The following WNK2 variants were observed in gnomAD, a reference collection of about 807,000 sequenced individuals.
The protein encoded by WNK2 is serine/threonine-protein kinase WNK2.
Under a neutral mutation model 192.1 loss-of-function variants are expected in WNK2, and 67 were observed. That is an observed-to-expected ratio of 0.35 (90% confidence interval 0.29 to 0.43). WNK2 has a LOEUF of 0.43. WNK2 is among the 20% of genes least tolerant of loss of function. The pLI, the probability that WNK2 is intolerant of heterozygous loss-of-function variation, is 1.00. For synonymous variants in WNK2, 1,439 were observed against 1,393.9 expected (o/e 1.03, Z -0.72); for missense variants, 2,698 against 3,089.7 (o/e 0.87, Z 3.01).
intron 2 of WNK2, among the ~76,000 whole-genome samples, chr9:93,211,692 T>C (rs1834792579): frequency 6.6e-6 from 1 of 150,444 alleles, no homozygotes; most frequent in Admixed American, 6.6e-5. Context: ...ACTCACTCAC[T>C]CATCTACTCA....
intron 23 of WNK2, 80 bp from the exon 24 acceptor site, chr9:93,297,773 C>T (rs1006257034): frequency 2.8e-6 from 4 of 1,442,022 alleles, no homozygotes; most frequent in African/African-American, 1.4e-5. Context: ...TTCTCCCACG[C>T]CACCTCCCTC....
At chr9:93,304,448 C>T (rs1297658750) in intron 26 of WNK2, among the ~76,000 whole-genome samples, 1 of 152,268 alleles carries the variant, frequency 6.6e-6, no homozygotes, top group African/African-American at 2.4e-5. Context: ...GCCCCCGCCC[C>T]AGCACCACTG....
At chr9:93,256,640 C>CGT (rs796609309) in intron 10 of WNK2, 186 bp downstream of exon 10, 68 of 725,068 alleles carry the variant, frequency 9.4e-5, no homozygotes, top group Middle Eastern at 4.0e-4. Context: ...TGTGTGTGTA[C>CGT]GTGTGTGTGT....
intron 2 of WNK2, among the ~76,000 whole-genome samples, chr9:93,207,345 TG>T (rs1467468824): frequency 1.3e-5 from 2 of 152,082 alleles, no homozygotes; most frequent in East Asian, 1.9e-4. Context: ...AGATCTCTGG[TG>T]GGGGGGCCTT....
At chr9:93,238,752 C>G (rs1337038692) in intron 6 of WNK2, among the ~76,000 whole-genome samples, 1 of 152,206 alleles carries the variant, frequency 6.6e-6, no homozygotes, top group African/African-American at 2.4e-5. Flanking sequence ...ATTTGGAGCC[C>G]TGACGTGTAT....
chr9:93,210,504 C>T (rs1448691506), intron 2 of WNK2, among the ~76,000 whole-genome samples: 3 of 152,104 alleles, frequency 2.0e-5, no homozygotes, highest in South Asian at 2.1e-4. Context: ...CTGGGGAACT[C>T]GCCTTCCTGT....
chr9:93,185,944 T>A (rs967874696), intron 2 of WNK2, among the ~76,000 whole-genome samples: 2 of 152,198 alleles, frequency 1.3e-5, no homozygotes, highest in African/African-American at 4.8e-5. Context: ...AGGCTGCTGC[T>A]TCTCCAGTCC....
chr9:93,214,043 T>C (rs568629756), intron 2 of WNK2, among the ~76,000 whole-genome samples: 2 of 152,286 alleles, frequency 1.3e-5, no homozygotes, highest in South Asian at 4.1e-4. Context: ...CAGTTAATAC[T>C]AGCAGAGAGT....
rs571486278 is a variant in WNK2 at position 93,284,410 on chromosome 9, C to T, written c.4034-4378C>T. ...AATGCAAGGTTGGTTTAACTTAATT[C>T]GAATAAATTTATTCACTATATCCCA... is the stretch of plus-strand genomic sequence containing the variant. On this transcript the variant is annotated intron_variant, in intron 19 of 29. Transcript: ENST00000427277. Among the ~76,000 whole-genome samples the T allele has an allele frequency of 1.3e-4, 20 of 152,178 alleles. No homozygotes were observed. The South Asian group carries it at 2.9e-3, about 22-fold the overall frequency.
intron 5 of WNK2, among the ~76,000 whole-genome samples, chr9:93,235,704 G>A (rs1432561366): frequency 1.3e-5 from 2 of 152,190 alleles, no homozygotes; most frequent in East Asian, 1.9e-4. Context: ...CCTGACATGC[G>A]GCGTCTGCAC....
chr9:93,307,761 G>C (rs1159379516), intron 27 of WNK2: 1 of 152,786 alleles, frequency 6.5e-6, no homozygotes, highest in African/African-American at 2.4e-5. Flanking sequence ...CAAACAACCA[G>C]ACCATTAAAA....
At chr9:93,215,818 C>T (rs374580962) in intron 2 of WNK2, among the ~76,000 whole-genome samples, 8 of 152,204 alleles carry the variant, frequency 5.3e-5, no homozygotes, top group South Asian at 4.2e-4. Context: ...TTGTTGTTAT[C>T]GTCTCGTTTT....
rs59357990 is a variant in WNK2 at position 93,195,699 on chromosome 9, C to CAAAAAAAAAAAAAAA, written c.681+10100_681+10114dup. On this transcript the variant is annotated intron_variant, in intron 2 of 29. Transcript: ENST00000427277. Reference sequence around the variant, plus strand: ...GGGCAACAGAGTAAAGACTTTGTCTCAAAAAAAAAAAAAAAAAAAAAAAAA... The same window carrying CAAAAAAAAAAAAAAA: ...GGGCAACAGAGTAAAGACTTTGTCTCAAAAAAAAAAAAAAAAAAAAAAAAAAAAAAAAAAAAAAAA... Among the ~76,000 whole-genome samples the CAAAAAAAAAAAAAAA allele has an allele frequency of 7.0e-4, 29 of 41,670 alleles. 1 individual carries two copies. Among genetic ancestry groups the CAAAAAAAAAAAAAAA allele is most frequent in the African/African-American group, 2.8e-3 (24 of 8,600 alleles). 27.3% of individuals were successfully genotyped at this position (41,670 alleles called of 152,430 possible).
In WNK2 at chr9:93,272,059, C is replaced by T. The variant is rs530713868; in HGVS notation, c.4033+3313C>T. ...TTCAAGAATGAAGCTGAAGTAAGGC[C>T]ATTCTCAAATAAAGAAAACTAAGGG... On this transcript the variant is annotated intron_variant, in intron 19 of 29. Coordinates refer to ENST00000427277, the MANE Select transcript of WNK2 (RefSeq NM_006648.4). 7.9e-5 allele frequency among the ~76,000 whole-genome samples: 12 copies of T among 152,284 alleles called. No homozygotes were observed. In the East Asian group the frequency reaches 2.3e-3, roughly 29 times the overall value.
At chr9:93,230,845 G>C in intron 3 of WNK2, 43 bp from the exon 4 acceptor site, 1 of 1,579,060 alleles carries the variant, frequency 6.3e-7, no homozygotes, top group Non-Finnish European at 8.6e-7. Flanking sequence ...GGGGGCCGCT[G>C]CCGGCGAGCT....
chr9:93,248,924 T>A (rs1419987391), intron 8 of WNK2, among the ~76,000 whole-genome samples: 1 of 152,208 alleles, frequency 6.6e-6, no homozygotes, highest in Non-Finnish European at 1.5e-5. Context: ...ACTGAAATAG[T>A]CTGTTTAATT....
chr9:93,213,785 A>T (rs1212411049), intron 2 of WNK2, among the ~76,000 whole-genome samples: 1 of 151,610 alleles, frequency 6.6e-6, no homozygotes, highest in African/African-American at 2.4e-5. Context: ...GCAAAACTCC[A>T]TCTCAAAAAC....
intron 2 of WNK2, among the ~76,000 whole-genome samples, chr9:93,225,408 A>T (rs997814640): frequency 1.3e-5 from 2 of 152,092 alleles, no homozygotes; most frequent in Admixed American, 6.5e-5. Flanking sequence ...CTACTGTAAA[A>T]ATTACCAAGC....
In WNK2 at chr9:93,247,677, C is replaced by T. The variant is rs753742508; in HGVS notation, c.1677C>T (p.Gly559=). Residue 559 remains glycine, a synonymous_variant, in exon 8 of 30, where the codon GGC becomes GGT. Transcript: ENST00000427277. This position sits in a 1 kb window ranked among gnomAD's most constrained non-coding sequence, Gnocchi z 5.2. ...ALQPKEQQDV[G]SPDKARGPPV... ...AGCCCAAGGAGCAGCAGGATGTGGG[C>T]AGCCCGGACAAGGCCAGGGGTCCGC... is the stretch of plus-strand genomic sequence containing the variant. 4 of 1,574,752 alleles carry T rather than the reference C, an allele frequency of 2.5e-6. No homozygotes were observed. In the South Asian group the frequency reaches 4.7e-5, roughly 18 times the overall value.
Sources: allele counts gnomAD v4.1 joint callset (sites outside exome capture counted in the v4.1 genomes callset), GRCh38; gene constraint gnomAD v4.1.1; non-coding constraint Gnocchi (gnomAD v3.1); transcripts MANE v1.5; gene names NCBI Gene and HGNC (gene_info 2026-07-23, HGNC 2026-07-21).